The following MACROD2 variants were observed in gnomAD, a reference collection of about 807,000 sequenced individuals.
MACROD2 encodes the protein mono-ADP ribosylhydrolase 2.
MACROD2 carries 36 observed loss-of-function variants against 70.4 expected under a neutral mutation model. The ratio of observed to expected loss-of-function variants is 0.51; its 90% confidence interval spans 0.39 to 0.68. The LOEUF (loss-of-function observed/expected upper bound fraction) is 0.68. Ranked by LOEUF, MACROD2 falls within the 30% of genes least tolerant of loss-of-function variation. MACROD2 has a pLI of 0.00. For missense variants in MACROD2, 496 were observed against 538.4 expected, an observed-to-expected ratio of 0.92 and a Z score of 0.78; for synonymous variants, 172 against 178.8, an observed-to-expected ratio of 0.96 and a Z score of 0.30.
intron 8 of MACROD2, among the ~76,000 whole-genome samples, chr20:15,549,862 T>C (rs1055770120): frequency 2.6e-5 from 4 of 152,300 alleles, no homozygotes; most frequent in African/African-American, 9.6e-5. Context: ...TCAACCTTTT[T>C]TTTTTCAGCG....
intron 5 of MACROD2, among the ~76,000 whole-genome samples, chr20:15,161,502 T>A (rs1454241514): frequency 6.6e-6 from 1 of 151,902 alleles, no homozygotes; most frequent in South Asian, 2.1e-4. Flanking sequence ...TCAAGAGGAA[T>A]CTCATAATAT....
chr20:14,518,614 A>AT (rs1226125558), intron 4 of MACROD2, among the ~76,000 whole-genome samples: 2 of 152,170 alleles, frequency 1.3e-5, no homozygotes, highest in African/African-American at 4.8e-5. Context: ...GTGTTTATTA[A>AT]TACAATTACA....
chr20:14,480,632 T>C (rs925806942), intron 3 of MACROD2, among the ~76,000 whole-genome samples: 3 of 152,186 alleles, frequency 2.0e-5, no homozygotes, highest in African/African-American at 7.2e-5. Flanking sequence ...TATCAGTGCT[T>C]TTCAATGCAG....
chr20:15,856,348 G>T (rs1183889727), intron 8 of MACROD2, among the ~76,000 whole-genome samples: 1 of 152,164 alleles, frequency 6.6e-6, no homozygotes, highest in African/African-American at 2.4e-5. Context: ...TAGTATCATT[G>T]GATAAGATGT....
At chr20:14,878,607 A>G (rs1270825010) in intron 5 of MACROD2, among the ~76,000 whole-genome samples, 2 of 152,216 alleles carry the variant, frequency 1.3e-5, no homozygotes, top group African/African-American at 4.8e-5. Flanking sequence ...TAAATTAGTT[A>G]AAACACAAAA....
intron 8 of MACROD2, among the ~76,000 whole-genome samples, chr20:15,540,927 A>C (rs567975138): frequency 6.6e-6 from 1 of 152,254 alleles, no homozygotes; most frequent in Non-Finnish European, 1.5e-5. Context: ...TTCATATTGG[A>C]CTAGAGGCCC....
chr20:14,980,486 A>G (rs528621634), intron 5 of MACROD2, among the ~76,000 whole-genome samples: 38 of 152,190 alleles, frequency 2.5e-4, no homozygotes, highest in Non-Finnish European at 5.1e-4. Context: ...TCTCAGTTTC[A>G]GGTATTCCAT....
Position 16,052,596 on chromosome 20 carries a change from A to G in MACROD2, c.*2720A>G, listed in dbSNP as rs1425382931. ...TAGCTGGTAACTATTCAGATGATGG[A>G]CAAGTCTTCTTTCATAAAAGATTAC... On this transcript the variant is annotated 3_prime_UTR_variant, in exon 18 of 18. Coordinates refer to ENST00000684519, the MANE Select transcript of MACROD2 (RefSeq NM_001351661.2). 2 of 152,658 alleles carry G rather than the reference A, an allele frequency of 1.3e-5. No individual in the cohort carries two copies. Among genetic ancestry groups the G allele is most frequent in the Admixed American group, 6.5e-5 (1 of 15,276 alleles). The allele number at this position is 152,658 out of a possible 1,614,324, so 9.5% of individuals were successfully genotyped here. A position where few individuals can be genotyped will look rare whatever the true frequency, so the allele number is the denominator to read the frequency against.
chr20:14,920,179 A>G (rs1258423101), intron 5 of MACROD2, among the ~76,000 whole-genome samples: 1 of 152,156 alleles, frequency 6.6e-6, no homozygotes, highest in Non-Finnish European at 1.5e-5. Context: ...ATAGAGAAGG[A>G]GTTGGCAGCT....
intron 5 of MACROD2, among the ~76,000 whole-genome samples, chr20:15,039,649 T>C (rs2075340137): frequency 6.6e-6 from 1 of 151,550 alleles, no homozygotes; most frequent in African/African-American, 2.4e-5. Context: ...GAGAGTGTGA[T>C]AGACAACTAA....
At chr20:15,955,290 T>A (rs1160901504) in intron 12 of MACROD2, among the ~76,000 whole-genome samples, 1 of 152,160 alleles carries the variant, frequency 6.6e-6, no homozygotes, top group Non-Finnish European at 1.5e-5. Context: ...CAGTCCTGAT[T>A]ATGGAGGACT....
intron 6 of MACROD2, among the ~76,000 whole-genome samples, chr20:15,315,554 A>C (rs998540167): frequency 4.6e-5 from 7 of 152,304 alleles, no homozygotes; most frequent in Admixed American, 4.6e-4. Flanking sequence ...TACTCAAATG[A>C]AAAGACAGAA....
At chr20:14,538,833 T>C (rs2085398355) in intron 4 of MACROD2, among the ~76,000 whole-genome samples, 1 of 152,208 alleles carries the variant, frequency 6.6e-6, no homozygotes, top group East Asian at 1.9e-4. Flanking sequence ...GTATAGCATG[T>C]ATCCCATTCT....
chr20:14,634,466 T>C (rs1225362159), intron 4 of MACROD2, among the ~76,000 whole-genome samples: 1 of 152,234 alleles, frequency 6.6e-6, no homozygotes, highest in East Asian at 1.9e-4. Flanking sequence ...TTTGATCACA[T>C]ATTATTCATA....
At chr20:14,645,159 T>A (rs1158900994) in intron 4 of MACROD2, among the ~76,000 whole-genome samples, 1 of 152,146 alleles carries the variant, frequency 6.6e-6, no homozygotes, top group African/African-American at 2.4e-5. Flanking sequence ...TTAAATTACA[T>A]ATAACTGTAA....
intron 7 of MACROD2, among the ~76,000 whole-genome samples, chr20:15,486,702 T>C (rs2047167785): frequency 6.6e-6 from 1 of 152,146 alleles, no homozygotes; most frequent in African/African-American, 2.4e-5. Context: ...CTTGGACAGA[T>C]AGTCAGTAAT....
At chr20:14,322,679 A>G (rs1315989239) in intron 3 of MACROD2, among the ~76,000 whole-genome samples, 1 of 152,180 alleles carries the variant, frequency 6.6e-6, no homozygotes, top group Non-Finnish European at 1.5e-5. Flanking sequence ...ATAAGATTTC[A>G]TAGTCACTTG....
intron 5 of MACROD2, among the ~76,000 whole-genome samples, chr20:14,689,968 A>T (rs1488807632): frequency 1.3e-5 from 2 of 152,140 alleles, no homozygotes; most frequent in African/African-American, 4.8e-5. Context: ...ATAAGAAATT[A>T]TGAAATCAGT....
intron 10 of MACROD2, among the ~76,000 whole-genome samples, chr20:15,896,752 G>A (rs1164251386): frequency 1.3e-5 from 2 of 152,004 alleles, no homozygotes; most frequent in Non-Finnish European, 2.9e-5. Flanking sequence ...TTTATGCTGT[G>A]TACTTTTGAA....
Sources: allele counts gnomAD v4.1 joint callset (sites outside exome capture counted in the v4.1 genomes callset), GRCh38; gene constraint gnomAD v4.1.1; transcripts MANE v1.5; gene names NCBI Gene and HGNC (gene_info 2026-07-23, HGNC 2026-07-21).